The following ZSCAN25 variants were observed in gnomAD, a reference collection of about 807,000 sequenced individuals.
ZSCAN25 encodes zinc finger and SCAN domain containing 25.
ZSCAN25 carries 27 observed loss-of-function variants against 38.7 expected under a neutral mutation model. The observed-to-expected ratio is 0.70, with a 90% CI of 0.51 to 0.96. ZSCAN25 has a LOEUF of 0.96. Among genes scored for constraint, ZSCAN25 ranks in the 40% least tolerant of loss-of-function variants. The pLI is 0.00. For synonymous variants in ZSCAN25, 273 were observed against 277.7 expected, an observed-to-expected ratio of 0.98 and a Z score of 0.17; for missense variants, 637 against 705.9, an observed-to-expected ratio of 0.90 and a Z score of 1.11.
the ZSCAN25 span, chr7:99,713,475 G>C: frequency 7.4e-6 from 12 of 1,613,396 alleles, no homozygotes; most frequent in Non-Finnish European, 9.3e-6. Flanking sequence ...TTACCTTTGT[G>C]GGTCTCAGAG....
the ZSCAN25 span, among the ~76,000 whole-genome samples, chr7:99,686,030 C>T: frequency 1.3e-5 from 2 of 152,304 alleles, no homozygotes; most frequent in East Asian, 3.9e-4. Flanking sequence ...GGGGGTGGAG[C>T]CAAGATGGCC....
At chr7:99,690,571 A>G in the ZSCAN25 span, among the ~76,000 whole-genome samples, 6 of 152,168 alleles carry the variant, frequency 3.9e-5, no homozygotes, top group African/African-American at 1.4e-4. Flanking sequence ...AATATCCAGA[A>G]TCTACAATGA....
chr7:99,676,153 G>A, the ZSCAN25 span: 1 of 1,613,886 alleles, frequency 6.2e-7, no homozygotes, highest in South Asian at 1.1e-5. Context: ...AAAGGCAGAG[G>A]TGTGGGCCCT....
At chr7:99,665,682 C>G in the ZSCAN25 span, among the ~76,000 whole-genome samples, 1 of 152,242 alleles carries the variant, frequency 6.6e-6, no homozygotes, top group Non-Finnish European at 1.5e-5. Flanking sequence ...ATAATTAACT[C>G]TTCCTAGTGG....
the ZSCAN25 span, chr7:99,680,027 G>A: frequency 1.3e-6 from 1 of 788,796 alleles, no homozygotes; most frequent in Admixed American, 2.0e-5. Context: ...AAAGATTTAT[G>A]TGCTGGAGAA....
chr7:99,617,204 G>A (rs577254347), intron 1 of ZSCAN25, among the ~76,000 whole-genome samples, 188 bp downstream of exon 1: 1 of 152,330 alleles, frequency 6.6e-6, no homozygotes, highest in Non-Finnish European at 1.5e-5. Flanking sequence ...AGGCCCTGCG[G>A]GTCTGGACGC....
chr7:99,699,233 A>G, the ZSCAN25 span, among the ~76,000 whole-genome samples: 1 of 152,230 alleles, frequency 6.6e-6, no homozygotes, highest in East Asian at 1.9e-4. Context: ...CGGGAGGAAA[A>G]AGATTAAAGC....
chr7:99,663,589 T>A, the ZSCAN25 span: 5 of 995,956 alleles, frequency 5.0e-6, no homozygotes, highest in African/African-American at 7.0e-5. Context: ...AAAATAAGAG[T>A]CTTGGACTTA....
At chr7:99,727,774 C>G in the ZSCAN25 span, among the ~76,000 whole-genome samples, 2,361 of 152,306 alleles carry the variant, frequency 0.016, 25 homozygotes, top group Middle Eastern at 0.054. Flanking sequence ...TGGGGCCTCA[C>G]TCTTGCAAAG....
In ZSCAN25 at chr7:99,621,521, A is replaced by C. The variant is rs1243492584; in HGVS notation, c.536A>C (p.Glu179Ala). The C allele has an allele frequency of 6.4e-7, 1 of 1,561,150 alleles. No individual in the cohort carries two copies. The highest frequency in any genetic ancestry group is 8.7e-7 in the Non-Finnish European group (1 of 1,146,790). ...EGVQGPDPGT[E>A]EQLSQDPGDE... ...GTTCAAGGTCCAGACCCAGGTACCGAGGAGCAGCTCAGTCAGGACCCTGGA... is the reference window on the plus strand; with the variant it reads ...GTTCAAGGTCCAGACCCAGGTACCGCGGAGCAGCTCAGTCAGGACCCTGGA... The change falls in exon 5 of 8, where the codon GAG becomes GCG. Residue 179 changes from glutamate (E) to alanine (A), a missense_variant. Coordinates refer to ENST00000394152, the MANE Select transcript of ZSCAN25 (RefSeq NM_145115.3).
the ZSCAN25 span, among the ~76,000 whole-genome samples, chr7:99,703,054 G>A: frequency 2.6e-5 from 4 of 152,048 alleles, no homozygotes; most frequent in Admixed American, 2.0e-4. Flanking sequence ...TTCACTATTG[G>A]CATATAGAAA....
At chr7:99,685,344 A>G in the ZSCAN25 span, 1 of 1,404,272 alleles carries the variant, frequency 7.1e-7, no homozygotes, top group Non-Finnish European at 9.9e-7. Context: ...ATAGTTTGTG[A>G]CCATTACAAA....
chr7:99,625,266 T>TA (rs1376320225), intron 7 of ZSCAN25, among the ~76,000 whole-genome samples: 2 of 152,094 alleles, frequency 1.3e-5, no homozygotes, highest in Admixed American at 1.3e-4. Context: ...ATGGTAGTGT[T>TA]AGATTGTTTA....
chr7:99,722,373 T>G, the ZSCAN25 span: 1 of 1,611,776 alleles, frequency 6.2e-7, no homozygotes, highest in South Asian at 1.1e-5. Context: ...AAAATAATAT[T>G]TCATTATTAT....
chr7:99,651,318 G>A, the ZSCAN25 span, among the ~76,000 whole-genome samples: 9 of 152,094 alleles, frequency 5.9e-5, no homozygotes, highest in African/African-American at 1.9e-4. Flanking sequence ...TAAATCATAT[G>A]GATTTATGGA....
At chr7:99,728,686 T>A in the ZSCAN25 span, among the ~76,000 whole-genome samples, 4 of 152,058 alleles carry the variant, frequency 2.6e-5, no homozygotes, top group African/African-American at 7.2e-5. Flanking sequence ...CAAATGGGAC[T>A]GAACAACTTC....
chr7:99,671,751 AG>A, the ZSCAN25 span: 1 of 690,084 alleles, frequency 1.4e-6, no homozygotes, highest in African/African-American at 1.8e-5. Context: ...AATAAATAAA[AG>A]TTTGCTCTGA....
At chr7:99,635,635 A>G (rs1372079987), downstream of ZSCAN25, among the ~76,000 whole-genome samples, 2 of 152,228 alleles carry the variant, frequency 1.3e-5, no homozygotes, top group African/African-American at 2.4e-5. Context: ...CTCACCTGCA[A>G]CATTCAATAA....
At chr7:99,667,128 A>G in the ZSCAN25 span, 2 of 1,475,678 alleles carry the variant, frequency 1.4e-6, no homozygotes, top group Non-Finnish European at 1.9e-6. Flanking sequence ...GTTGCACAAA[A>G]TATATTGAAG....
Sources: allele counts gnomAD v4.1 joint callset (sites outside exome capture counted in the v4.1 genomes callset), GRCh38; gene constraint gnomAD v4.1.1; transcripts MANE v1.5; gene names NCBI Gene and HGNC (gene_info 2026-07-23, HGNC 2026-07-21).